ZCCHC7: variants seen among roughly 807,000 people sequenced by gnomAD.
ZCCHC7 encodes the protein zinc finger CCHC domain-containing protein 7.
In ZCCHC7, 35 loss-of-function variants were observed where a neutral mutation model predicts 52.0. The observed-to-expected ratio is 0.67, with a 90% confidence interval of 0.51 to 0.89. The LOEUF (loss-of-function observed/expected upper bound fraction) is 0.89, where lower values mean the gene tolerates loss of function less well. Among genes scored for constraint, ZCCHC7 ranks in the 40% least tolerant of loss-of-function variants. The probability of loss-of-function intolerance (pLI) is 0.00; values close to 1 mark genes in which losing one functional copy is unlikely to be tolerated. For synonymous variants in ZCCHC7, 217 were observed against 221.5 expected (o/e 0.98, Z 0.18); for missense variants, 574 against 649.1 (o/e 0.88, Z 1.26).
chr9:37,292,827 TAGAG>T (rs1056586083), intron 2 of ZCCHC7, among the ~76,000 whole-genome samples: 5 of 152,190 alleles, frequency 3.3e-5, no homozygotes, highest in East Asian at 3.8e-4. Context: ...AAACTGGATT[TAGAG>T]AGAATCTCGC....
chr9:37,196,894 T>G (rs1379664688), intron 2 of ZCCHC7, among the ~76,000 whole-genome samples: 2 of 152,190 alleles, frequency 1.3e-5, no homozygotes, highest in Non-Finnish European at 2.9e-5. Flanking sequence ...ATACACTTTT[T>G]TGTGTGAAGG....
At chr9:37,222,269 G>A (rs905605521) in intron 2 of ZCCHC7, among the ~76,000 whole-genome samples, 1 of 149,372 alleles carries the variant, frequency 6.7e-6, no homozygotes, top group Non-Finnish European at 1.5e-5. Flanking sequence ...TTGATGATAA[G>A]CTTATAACAG....
intron 2 of ZCCHC7, among the ~76,000 whole-genome samples, chr9:37,230,418 A>G (rs1179444543): frequency 6.6e-6 from 1 of 152,166 alleles, no homozygotes; most frequent in Non-Finnish European, 1.5e-5. Context: ...TTGTTTTGTT[A>G]TTGACATGGT....
chr9:37,133,027 C>T (rs1332536512), intron 2 of ZCCHC7, among the ~76,000 whole-genome samples: 2 of 152,134 alleles, frequency 1.3e-5, no homozygotes, highest in African/African-American at 4.8e-5. Flanking sequence ...ATCCCAGCCT[C>T]AGAGGCTGAG....
chr9:37,345,774 AC>A (rs542025696), intron 6 of ZCCHC7, among the ~76,000 whole-genome samples: 53 of 152,208 alleles, frequency 3.5e-4, no homozygotes, highest in African/African-American at 1.2e-3. Flanking sequence ...TAATTTATGA[AC>A]CCCATTTTTA....
At position 37,164,500 on chromosome 9, in the gene ZCCHC7, GA is replaced by G. The variant is rs1821307514; in HGVS notation, c.610+37559del. 2.1e-5 allele frequency among the ~76,000 whole-genome samples: 3 copies of G among 146,066 alleles called. No individual in the cohort carries two copies. In the South Asian group the frequency reaches 6.7e-4, roughly 33 times the overall value. On this transcript the variant is annotated intron_variant, in intron 2 of 8. Coordinates refer to ENST00000336755, the MANE Select transcript of ZCCHC7 (RefSeq NM_032226.3). Reference sequence around the variant, plus strand: ...AGATAGATAGATAGATAGATAGATAGACAGACAAGATAGATAGACTCTGTCT... The same window carrying G: ...AGATAGATAGATAGATAGATAGATAGCAGACAAGATAGATAGACTCTGTCT...
At chr9:37,305,825 TC>T in intron 5 of ZCCHC7, 111 bp downstream of exon 5, 1 of 1,029,266 alleles carries the variant, frequency 9.7e-7, no homozygotes, top group Admixed American at 2.6e-5. Flanking sequence ...GAATGTTTAC[TC>T]CGTGAGATAT....
chr9:37,139,854 T>G (rs1003300727), intron 2 of ZCCHC7, among the ~76,000 whole-genome samples: 1 of 152,014 alleles, frequency 6.6e-6, no homozygotes, highest in Non-Finnish European at 1.5e-5. Flanking sequence ...AACTAAATAG[T>G]GCTTGCAACA....
At chr9:37,132,366 A>G (rs1411607454) in intron 2 of ZCCHC7, among the ~76,000 whole-genome samples, 1 of 152,212 alleles carries the variant, frequency 6.6e-6, no homozygotes, top group Non-Finnish European at 1.5e-5. Flanking sequence ...TATTGTGGAA[A>G]TATAAAAATA....
chr9:37,203,612 C>T (rs920978401), intron 2 of ZCCHC7, among the ~76,000 whole-genome samples: 4 of 152,178 alleles, frequency 2.6e-5, no homozygotes, highest in African/African-American at 9.7e-5. Flanking sequence ...CCAGCTTCAT[C>T]CATGTTCCTG....
chr9:37,273,273 G>A (rs1321385984), intron 2 of ZCCHC7, among the ~76,000 whole-genome samples: 2 of 152,178 alleles, frequency 1.3e-5, no homozygotes, highest in Non-Finnish European at 2.9e-5. Flanking sequence ...GGAGGCCGAG[G>A]TGGGCAGATC....
chr9:37,266,589 A>G (rs1401575281), intron 2 of ZCCHC7, among the ~76,000 whole-genome samples: 9 of 152,154 alleles, frequency 5.9e-5, no homozygotes, highest in Non-Finnish European at 1.0e-4. Context: ...AAAAATGTCT[A>G]CCAGCTTGGC....
intron 7 of ZCCHC7, among the ~76,000 whole-genome samples, chr9:37,350,453 G>GT (rs1269710552): frequency 6.6e-6 from 1 of 152,124 alleles, no homozygotes; most frequent in East Asian, 1.9e-4. Flanking sequence ...TTTCTACTTA[G>GT]TTCTCCCGTT....
intron 5 of ZCCHC7, among the ~76,000 whole-genome samples, chr9:37,315,283 G>A (rs1456112579): frequency 2.6e-5 from 4 of 152,084 alleles, no homozygotes; most frequent in African/African-American, 7.2e-5. Flanking sequence ...AGAGGGCTGA[G>A]AAACACAATT....
chr9:37,232,974 G>A (rs537645), intron 2 of ZCCHC7, among the ~76,000 whole-genome samples: 1 of 152,122 alleles, frequency 6.6e-6, no homozygotes, highest in African/African-American at 2.4e-5. Context: ...ATTCACATGA[G>A]ACAGTATTCC....
intron 2 of ZCCHC7, among the ~76,000 whole-genome samples, chr9:37,155,477 T>A (rs1180022990): frequency 6.6e-6 from 1 of 152,234 alleles, no homozygotes; most frequent in East Asian, 1.9e-4. Context: ...TGACAATAAT[T>A]TTTTAATTAA....
intron 2 of ZCCHC7, among the ~76,000 whole-genome samples, chr9:37,173,664 ACTTTT>A (rs953548757): frequency 7.9e-5 from 12 of 152,164 alleles, no homozygotes; most frequent in African/African-American, 2.7e-4. Context: ...CAGATTAAAA[ACTTTT>A]CTTTGATCTT....
At position 37,354,323 on chromosome 9, in the gene ZCCHC7, A is replaced by C. The variant is rs1821564962; in HGVS notation, c.1084-387A>C. On this transcript the variant is annotated intron_variant, in intron 7 of 8. Coordinates refer to ENST00000336755, the MANE Select transcript of ZCCHC7 (RefSeq NM_032226.3). This position sits in a 1 kb window ranked among gnomAD's most constrained non-coding sequence, Gnocchi z 4.0. Reference sequence around the variant, plus strand: ...GGATAGGAAGAAGAGATGGAAAAGAACTTGATAGAAGGCTGTTGGAAGTGA... The same window carrying C: ...GGATAGGAAGAAGAGATGGAAAAGACCTTGATAGAAGGCTGTTGGAAGTGA... 4.6e-5 allele frequency among the ~76,000 whole-genome samples: 7 copies of C among 152,210 alleles called. No individual in the cohort carries two copies. The South Asian group carries it at 1.2e-3, about 27-fold the overall frequency.
At chr9:37,351,546 A>T (rs891723475) in intron 7 of ZCCHC7, among the ~76,000 whole-genome samples, 1 of 152,126 alleles carries the variant, frequency 6.6e-6, no homozygotes, top group Non-Finnish European at 1.5e-5. Context: ...GCCTCAAGCA[A>T]TCCTCCCTCC....
Sources: allele counts gnomAD v4.1 joint callset (sites outside exome capture counted in the v4.1 genomes callset), GRCh38; gene constraint gnomAD v4.1.1; non-coding constraint Gnocchi (gnomAD v3.1); transcripts MANE v1.5; gene names NCBI Gene and HGNC (gene_info 2026-07-23, HGNC 2026-07-21).